Variants in SOX5 observed in about 807,000 individuals in gnomAD.
SOX5 encodes the protein SRY-box transcription factor 5, also known as transcription factor SOX-5.
Under a neutral mutation model 92.0 loss-of-function variants are expected in SOX5, and 9 were observed. The ratio of observed to expected loss-of-function variants is 0.10; its 90% confidence interval spans 0.06 to 0.17. The LOEUF (loss-of-function observed/expected upper bound fraction) is 0.17. Ranked by LOEUF, SOX5 falls within the 10% of genes least tolerant of loss-of-function variation. The pLI is 1.00. For missense variants in SOX5, 642 were observed against 944.5 expected (o/e 0.68, Z 4.20); for synonymous variants, 344 against 336.3 (o/e 1.02, Z -0.25).
chr12:24,241,840 AAATT>A (rs1230823843), intron 3 of SOX5, among the ~76,000 whole-genome samples: 1 of 152,188 alleles, frequency 6.6e-6, no homozygotes, highest in Non-Finnish European at 1.5e-5. Context: ...TGGTTCATGA[AAATT>A]AATCAGCCAC....
intron 7 of SOX5, among the ~76,000 whole-genome samples, chr12:23,652,917 T>A (rs2139085604): frequency 6.6e-6 from 1 of 152,232 alleles, no homozygotes; most frequent in South Asian, 2.1e-4. Context: ...TTATTAATTA[T>A]ATACTATGTT....
intron 4 of SOX5, among the ~76,000 whole-genome samples, chr12:23,986,658 T>G (rs1014025479): frequency 6.6e-6 from 1 of 152,200 alleles, no homozygotes; most frequent in African/African-American, 2.4e-5. Flanking sequence ...CATTTTATCA[T>G]GGACGTGAAT....
chr12:24,121,506 T>C (rs1052920901), intron 4 of SOX5, among the ~76,000 whole-genome samples: 1 of 151,566 alleles, frequency 6.6e-6, no homozygotes, highest in Non-Finnish European at 1.5e-5. Flanking sequence ...AAATCACTGA[T>C]GCTTTACAGA....
At chr12:23,687,402 C>T (rs1388828191) in intron 6 of SOX5, among the ~76,000 whole-genome samples, 1 of 151,868 alleles carries the variant, frequency 6.6e-6, no homozygotes, top group Non-Finnish European at 1.5e-5. Context: ...CGATATTATA[C>T]TAAATAAAGA....
At chr12:24,536,996 C>T (rs1422043619) in intron 1 of SOX5, among the ~76,000 whole-genome samples, 1 of 152,126 alleles carries the variant, frequency 6.6e-6, no homozygotes, top group East Asian at 1.9e-4. Flanking sequence ...TTCATTCTTC[C>T]GTGTGCATTT....
chr12:23,738,170 G>A (rs1459401545), intron 5 of SOX5, among the ~76,000 whole-genome samples: 2 of 152,156 alleles, frequency 1.3e-5, no homozygotes, highest in Non-Finnish European at 1.5e-5. Flanking sequence ...CTGGGGGAAA[G>A]GCTCATCAGT....
In SOX5 at chr12:24,506,733, T is replaced by A. The variant is rs893612221; in HGVS notation, c.-251+55596A>T. 2.7e-5 allele frequency among the ~76,000 whole-genome samples: 4 copies of A among 150,906 alleles called. No homozygotes were observed. The South Asian group carries it at 8.4e-4, about 32-fold the overall frequency. ...GATAATCAAAAAGAAAGAACTAGCATTTTCCCCCTCCCTTTCCAATGCAAC... is the reference window on the plus strand; with the variant it reads ...GATAATCAAAAAGAAAGAACTAGCAATTTCCCCCTCCCTTTCCAATGCAAC... On this transcript the variant is annotated intron_variant, in intron 1 of 4. Coordinates refer to the SOX5 transcript ENST00000446891.
chr12:23,653,096 T>C (rs1220845777), intron 7 of SOX5, among the ~76,000 whole-genome samples: 1 of 142,272 alleles, frequency 7.0e-6, no homozygotes, highest in African/African-American at 2.6e-5. Context: ...GCCAGTATGA[T>C]CTCAATCCTA....
intron 1 of SOX5, among the ~76,000 whole-genome samples, chr12:24,419,416 A>C (rs548245047): frequency 6.6e-6 from 1 of 152,288 alleles, no homozygotes; most frequent in Non-Finnish European, 1.5e-5. Context: ...CTGTGATTAC[A>C]GGTGTGAGCC....
rs76186547 is a variant in SOX5 at position 24,268,973 on chromosome 12, C to T, written c.-77+8243G>A. Among the ~76,000 whole-genome samples the T allele has an allele frequency of 1.5e-3, 232 of 152,260 alleles. 4 individuals are homozygous for T. The East Asian group carries it at 0.043, about 28-fold the overall frequency. Reference sequence around the variant, plus strand: ...CTATTCAGAGTTCTCATTAATGTTGCACAATTTAGATGATAGATTTGTCAA... The same window carrying T: ...CTATTCAGAGTTCTCATTAATGTTGTACAATTTAGATGATAGATTTGTCAA... On this transcript the variant is annotated intron_variant, in intron 3 of 4. Coordinates refer to the SOX5 transcript ENST00000446891.
chr12:24,002,911 G>A (rs1951756698), intron 4 of SOX5, among the ~76,000 whole-genome samples: 1 of 133,638 alleles, frequency 7.5e-6, no homozygotes, highest in Non-Finnish European at 1.7e-5. Context: ...CATGTATATA[G>A]ACACAAAAAT....
chr12:24,173,078 A>G (rs1954377342), intron 4 of SOX5, among the ~76,000 whole-genome samples: 1 of 152,174 alleles, frequency 6.6e-6, no homozygotes, highest in Non-Finnish European at 1.5e-5. Flanking sequence ...TGAATTCCAA[A>G]AGGGTGGTCC....
chr12:23,676,141 G>T (rs2085645844), intron 6 of SOX5, among the ~76,000 whole-genome samples: 1 of 152,138 alleles, frequency 6.6e-6, no homozygotes, highest in East Asian at 1.9e-4. Context: ...CAAATCTAGA[G>T]ATCTAATGTA....
intron 6 of SOX5, among the ~76,000 whole-genome samples, chr12:23,718,110 T>A (rs1302778951): frequency 3.3e-5 from 5 of 152,144 alleles, no homozygotes; most frequent in African/African-American, 9.7e-5. Flanking sequence ...GTATATTTTT[T>A]AAAAAATCAA....
chr12:24,069,085 C>A (rs745780004), intron 4 of SOX5, among the ~76,000 whole-genome samples: 1 of 151,134 alleles, frequency 6.6e-6, no homozygotes, highest in African/African-American at 2.4e-5. Flanking sequence ...TTTGCATTGT[C>A]AAATGAAACT....
chr12:23,971,621 G>A lies in SOX5; in HGVS notation c.-1-75597C>T, dbSNP rs1420994341. ...TTCATACTTTTTTCACATCAGCCAA[G>A]TATAGAAAATGAAATATGTATATAT... On this transcript the variant is annotated intron_variant, in intron 4 of 4. Transcript: ENST00000446891. Among the ~76,000 whole-genome samples the A allele has an allele frequency of 2.6e-5, 4 of 151,266 alleles. No individual in the cohort carries two copies. In the East Asian group the frequency reaches 5.8e-4, roughly 22 times the overall value.
At chr12:24,331,691 T>C (rs999749275) in intron 2 of SOX5, among the ~76,000 whole-genome samples, 14 of 151,222 alleles carry the variant, frequency 9.3e-5, no homozygotes, top group Admixed American at 3.3e-4. Context: ...CTACTAAAAA[T>C]ACAAAAATTA....
At chr12:23,713,706 AATATAT>A (rs371698007) in intron 6 of SOX5, among the ~76,000 whole-genome samples, 1 of 146,982 alleles carries the variant, frequency 6.8e-6, no homozygotes, top group Non-Finnish European at 1.5e-5. Context: ...AATATATATA[AATATAT>A]ATATATATCT....
intron 9 of SOX5, among the ~76,000 whole-genome samples, chr12:23,602,616 G>A (rs1003368732): frequency 1.2e-4 from 19 of 152,030 alleles, no homozygotes; most frequent in African/African-American, 3.6e-4. Context: ...ATGTCCTGAC[G>A]TAAAGCCTCA....
Sources: gnomAD v4.1 joint callset for allele counts (sites outside exome capture counted in the v4.1 genomes callset) on GRCh38, gnomAD v4.1.1 for gene constraint, MANE v1.5 for transcripts, NCBI Gene and HGNC (gene_info 2026-07-23, HGNC 2026-07-21) for gene names.